Variants in PWWP2B observed in about 807,000 individuals in gnomAD.
PWWP2B encodes the protein PWWP domain-containing protein 2B.
Under a neutral mutation model 15.5 loss-of-function variants are expected in PWWP2B, and 9 were observed. That is an observed-to-expected ratio of 0.58 (90% CI 0.35 to 1.02). The LOEUF is 1.02. Among genes scored for constraint, PWWP2B ranks in the 50% least tolerant of loss-of-function variants. The pLI is 0.02. For missense variants in PWWP2B, 864 were observed against 865.3 expected (o/e 1.00, Z 0.02); for synonymous variants, 474 against 403.6 (o/e 1.17, Z -2.09).
chr10:132,405,595 G>C lies in PWWP2B; in HGVS notation c.1095G>C (p.Ser365=). Residue 365 remains serine, a synonymous_variant, in exon 2 of 3, where the codon TCG becomes TCC. Coordinates refer to ENST00000305233, the MANE Select transcript of PWWP2B (RefSeq NM_138499.4). ...TGAACGGGTACCTGCGGGACAGCTCGCCGGCGCCCTGTGCGGACGGCCCTG... is the reference window on the plus strand; with the variant it reads ...TGAACGGGTACCTGCGGGACAGCTCCCCGGCGCCCTGTGCGGACGGCCCTG... ...GELNGYLRDS[S]PAPCADGPAG... is the part of the protein sequence containing the mutation. 6.2e-7 allele frequency: 1 copy of C among 1,610,550 alleles called. No individual in the cohort carries two copies. The highest frequency in any genetic ancestry group is 8.5e-7 in the Non-Finnish European group (1 of 1,179,792).
intron 1 of PWWP2B, among the ~76,000 whole-genome samples, chr10:132,403,178 A>G (rs1472943177): frequency 1.3e-5 from 2 of 152,164 alleles, no homozygotes; most frequent in Non-Finnish European, 2.9e-5. Flanking sequence ...CCAGAGGAGA[A>G]TGGGGCGGGT....
Position 132,397,264 on chromosome 10 carries a change from T to A in PWWP2B, c.38T>A (p.Val13Glu). 7.4e-7 allele frequency: 1 copy of A among 1,359,186 alleles called. No homozygotes were observed. The highest frequency in any genetic ancestry group is 3.1e-5 in the East Asian group (1 of 31,830). 84.2% of individuals were successfully genotyped at this position (1,359,186 alleles called of 1,614,324 possible). Residue 13 changes from valine to glutamate, a missense_variant, in exon 1 of 3, where the codon GTG becomes GAG. Physicochemically the swap from Val to Glu is moderately radical, Grantham distance 121. This residue lies in a region of PWWP2B where 736 missense variants were observed against 687.7 expected (regional missense o/e 1.07). Transcript: ENST00000305233. ...PRAGCRLPVR[V>E]EQVVNGALVV... is the part of the protein sequence containing the mutation. ...GCCGGCTGCCGGCTGCCGGTGCGGG[T>A]GGAGCAGGTCGTCAACGGCGCGCTG...
chr10:132,406,229 G>T lies in PWWP2B; in HGVS notation c.1729G>T (p.Val577Leu). ...ITEAANAARH[V>L]APEIRELLTQ... ...CGAGGCTGCAAATGCCGCAAGACAC[G>T]TGGCCCCGGAAATCAGGGAGCTCTT... The change falls in exon 2 of 3, where the codon GTG becomes TTG. Residue 577 changes from valine to leucine, a missense_variant. Coordinates refer to ENST00000305233, the MANE Select transcript of PWWP2B (RefSeq NM_138499.4). 6.2e-7 allele frequency: 1 copy of T among 1,611,624 alleles called. No individual in the cohort carries two copies. The highest frequency in any genetic ancestry group is 1.1e-5 in the South Asian group (1 of 91,044).
At chr10:132,413,707 C>T (rs137891791) in intron 2 of PWWP2B, among the ~76,000 whole-genome samples, 19 of 152,388 alleles carry the variant, frequency 1.2e-4, no homozygotes, top group African/African-American at 2.2e-4. Context: ...GGCCCCACGC[C>T]GGCTTCTCCT....
At chr10:132,407,941 C>G (rs974286910) in intron 2 of PWWP2B, among the ~76,000 whole-genome samples, 1 of 152,248 alleles carries the variant, frequency 6.6e-6, no homozygotes, top group Non-Finnish European at 1.5e-5. Flanking sequence ...ATGACATCCC[C>G]CCACGCAGGA....
In PWWP2B at chr10:132,409,145, T is replaced by TCA. The variant is rs551068642; in HGVS notation, c.*16+2857_*16+2858insAC. Reference sequence around the variant, plus strand: ...TCCCAGGGTAACAACAGGTCCCGCCTCTGAGTGAGCCGCACTCCACCCCGG... The same window carrying TCA: ...TCCCAGGGTAACAACAGGTCCCGCCTCACTGAGTGAGCCGCACTCCACCCCGG... On this transcript the variant is annotated intron_variant, in intron 2 of 2. Transcript: ENST00000305233. Among the ~76,000 whole-genome samples, 4 of 152,262 alleles carry TCA rather than the reference T, an allele frequency of 2.6e-5. No individual in the cohort carries two copies. In the South Asian group the frequency reaches 8.3e-4, roughly 32 times the overall value.
At chr10:132,398,841 G>A (rs2069573053) in intron 1 of PWWP2B, among the ~76,000 whole-genome samples, 1 of 152,242 alleles carries the variant, frequency 6.6e-6, no homozygotes, top group Admixed American at 6.5e-5. Flanking sequence ...TGCGGGCACA[G>A]CCACTTAGCA....
At chr10:132,415,199 T>A (rs976245874) in intron 2 of PWWP2B, among the ~76,000 whole-genome samples, 9 of 151,760 alleles carry the variant, frequency 5.9e-5, no homozygotes, top group African/African-American at 2.2e-4. Context: ...CTGCCACACA[T>A]CCACATCCAC....
chr10:132,397,620 T>A (rs1471897304), intron 1 of PWWP2B, among the ~76,000 whole-genome samples: 1 of 151,724 alleles, frequency 6.6e-6, no homozygotes, highest in Admixed American at 6.6e-5. Flanking sequence ...GTCCCGGAAC[T>A]CCACACATCT....
rs2069648569 is a variant in PWWP2B at position 132,404,056 on chromosome 10, C to CT, written c.126-569dup. 5.0e-5 allele frequency among the ~76,000 whole-genome samples: 3 copies of CT among 60,084 alleles called. No homozygotes were observed. In the South Asian group the frequency reaches 1.4e-3, roughly 28 times the overall value. 39.4% of individuals were successfully genotyped at this position (60,084 alleles called of 152,430 possible). On this transcript the variant is annotated intron_variant, in intron 1 of 2. Transcript: ENST00000305233. ...TCCAGGGCTCCTGCAGGACGGCATTCTCCAGGGCTCCTGCAGGACGGCATT... is the reference window on the plus strand; with the variant it reads ...TCCAGGGCTCCTGCAGGACGGCATTCTTCCAGGGCTCCTGCAGGACGGCATT...
In PWWP2B at chr10:132,406,259, C is replaced by T; in HGVS notation, c.1759C>T (p.Gln587Ter). Reference sequence around the variant, plus strand: ...CCCGGAAATCAGGGAGCTCTTAACCCAGTTTGAAACGTAACTGGTTCCCTG... The same window carrying T: ...CCCGGAAATCAGGGAGCTCTTAACCTAGTTTGAAACGTAACTGGTTCCCTG... Reference protein sequence around the residue: ...VAPEIRELLTQFET With the variant: ...VAPEIRELLT Residue 587 changes from glutamine to a stop codon, truncating the protein, a stop_gained, in exon 2 of 3, where the codon CAG becomes TAG. Transcript: ENST00000305233. LOFTEE classifies it low-confidence loss of function (END_TRUNC). 6 of 1,608,472 alleles carry T rather than the reference C, an allele frequency of 3.7e-6. No homozygotes were observed. The highest frequency in any genetic ancestry group is 5.1e-6 in the Non-Finnish European group (6 of 1,176,592).
Position 132,417,315 on chromosome 10 carries a change from TTGCTGGC to T in PWWP2B, c.*284_*290del, listed in dbSNP as rs896899948. On this transcript the variant is annotated 3_prime_UTR_variant, in exon 3 of 3. Transcript: ENST00000305233. ...TCACGAGGCAGTCGGGACTCGTGAC[TTGCTGGC>T]TGCTGGCTGCTGCTGCCTCGCGCGC... is the stretch of plus-strand genomic sequence containing the variant. 1.7e-5 allele frequency: 9 copies of T among 531,420 alleles called. No individual in the cohort carries two copies. The highest frequency in any genetic ancestry group is 6.5e-5 in the East Asian group (2 of 30,646). 32.9% of individuals were successfully genotyped at this position (531,420 alleles called of 1,614,324 possible).
At position 132,406,429 on chromosome 10, in the gene PWWP2B, G is replaced by A. The variant is rs565532495; in HGVS notation, c.*16+140G>A. On this transcript the variant is annotated intron_variant, in intron 2 of 2. Coordinates refer to ENST00000305233, the MANE Select transcript of PWWP2B (RefSeq NM_138499.4). ...AGCTGGCTTGCTTGGGGCCCCAGCCGTCTGGAAAATGGTTGCCCTCACTGG... is the reference window on the plus strand; with the variant it reads ...AGCTGGCTTGCTTGGGGCCCCAGCCATCTGGAAAATGGTTGCCCTCACTGG... 240 of 702,314 alleles carry A rather than the reference G, an allele frequency of 3.4e-4. 1 individual carries two copies. In the South Asian group the frequency reaches 3.7e-3, roughly 11 times the overall value. 43.5% of individuals were successfully genotyped at this position (702,314 alleles called of 1,614,324 possible).
At chr10:132,400,341 G>A (rs1172017055) in intron 1 of PWWP2B, among the ~76,000 whole-genome samples, 3 of 152,142 alleles carry the variant, frequency 2.0e-5, no homozygotes, top group Non-Finnish European at 4.4e-5. Context: ...GTGGGGGCCT[G>A]GCCTTGTGCT....
chr10:132,412,366 G>A (rs762435391), intron 2 of PWWP2B, among the ~76,000 whole-genome samples: 3 of 152,202 alleles, frequency 2.0e-5, no homozygotes, highest in Non-Finnish European at 4.4e-5. Context: ...TGACCCCACC[G>A]GGCTTCAATG....
Position 132,405,161 on chromosome 10 carries a change from G to C in PWWP2B, c.661G>C (p.Gly221Arg). 6.5e-7 allele frequency: 1 copy of C among 1,548,290 alleles called. No individual in the cohort carries two copies. Among genetic ancestry groups the C allele is most frequent in the Non-Finnish European group, 8.7e-7 (1 of 1,146,226 alleles). Residue 221 changes from glycine (G) to arginine (R), a missense_variant, in exon 2 of 3, where the codon GGC becomes CGC. Gly to Arg is a moderately radical substitution (Grantham distance 125). Transcript: ENST00000305233. The part of the protein sequence containing the change: ...ELRKPEEPEN[G>R]EPTAAATARR... ...CCGCAAGCCGGAGGAGCCGGAGAAC[G>C]GCGAGCCCACGGCTGCGGCCACCGC...
intron 1 of PWWP2B, among the ~76,000 whole-genome samples, chr10:132,399,668 G>A (rs941251846): frequency 6.6e-6 from 1 of 152,274 alleles, no homozygotes; most frequent in Non-Finnish European, 1.5e-5. Context: ...CCCGGAGCAG[G>A]CGGCCTCCAG....
rs2069676403 is a variant in PWWP2B at position 132,405,168 on chromosome 10, C to T, written c.668C>T (p.Pro223Leu). Reference protein sequence around the residue: ...RKPEEPENGEPTAAATARRSK... With the variant: ...RKPEEPENGELTAAATARRSK... ...CCGGAGGAGCCGGAGAACGGCGAGC[C>T]CACGGCTGCGGCCACCGCCAGGAGG... Residue 223 changes from proline (P) to leucine (L), a missense_variant, in exon 2 of 3, where the codon CCC (proline) becomes CTC (leucine). Transcript: ENST00000305233. 1.9e-6 allele frequency: 3 copies of T among 1,551,380 alleles called. No homozygotes were observed. The highest frequency in any genetic ancestry group is 2.6e-6 in the Non-Finnish European group (3 of 1,148,122).
At chr10:132,401,962 A>G (rs1458506117) in intron 1 of PWWP2B, among the ~76,000 whole-genome samples, 8 of 152,062 alleles carry the variant, frequency 5.3e-5, no homozygotes, top group African/African-American at 1.9e-4. Context: ...TTTACCCACC[A>G]GTGCGCTGGG....
Sources: allele counts gnomAD v4.1 joint callset (sites outside exome capture counted in the v4.1 genomes callset), GRCh38; gene constraint gnomAD v4.1.1; regional missense constraint gnomAD v4.1.1; transcripts MANE v1.5; gene names NCBI Gene and HGNC (gene_info 2026-07-23, HGNC 2026-07-21).